CSMD1: variants seen among roughly 807,000 people sequenced by gnomAD.
CSMD1 encodes the protein CUB and sushi domain-containing protein 1.
CSMD1 carries 213 observed loss-of-function variants against 417.5 expected under a neutral mutation model. The ratio of observed to expected loss-of-function variants is 0.51; its 90% CI spans 0.46 to 0.57. CSMD1 has a LOEUF of 0.57. CSMD1 is among the 20% of genes least tolerant of loss of function. The pLI, the probability that CSMD1 is intolerant of heterozygous loss-of-function variation, is 0.00. For missense variants in CSMD1, 6,923 were observed against 4,529.7 expected (o/e 1.53, Z -15.17); for synonymous variants, 2,862 against 1,736.8 (o/e 1.65, Z -16.11).
Position 4,739,961 on chromosome 8 carries a change from G to A in CSMD1, c.86-102403C>T, listed in dbSNP as rs1283718750. Among the ~76,000 whole-genome samples, 3 of 152,180 alleles carry A rather than the reference G, an allele frequency of 2.0e-5. No individual in the cohort carries two copies. In the East Asian group the frequency reaches 5.8e-4, roughly 30 times the overall value. On this transcript the variant is annotated intron_variant, in intron 1 of 69. Coordinates refer to ENST00000635120, the MANE Select transcript of CSMD1 (RefSeq NM_033225.6). ...ACTTAAGCTCCATAGTCTGAGCTAG[G>A]GAAATAGCTGACTGGCCAGCCGCCT...
chr8:4,202,058 C>G (rs527895776), intron 3 of CSMD1, among the ~76,000 whole-genome samples: 60 of 152,024 alleles, frequency 3.9e-4, no homozygotes, highest in African/African-American at 1.4e-3. Context: ...TGTGGGTTGG[C>G]TCTTAATGCT....
At chr8:3,260,117 A>AT (rs1252314444) in intron 26 of CSMD1, among the ~76,000 whole-genome samples, 1 of 152,170 alleles carries the variant, frequency 6.6e-6, no homozygotes, top group African/African-American at 2.4e-5. Flanking sequence ...TGTATATGGC[A>AT]TTTCCCTTAC....
chr8:3,916,906 AT>A (rs1392906428), intron 5 of CSMD1, among the ~76,000 whole-genome samples: 2 of 125,114 alleles, frequency 1.6e-5, no homozygotes, highest in Non-Finnish European at 3.7e-5. Flanking sequence ...AATGAGACAT[AT>A]TAAAAAAAAT....
chr8:4,579,514 C>T (rs1396932413), intron 2 of CSMD1, among the ~76,000 whole-genome samples: 2 of 151,920 alleles, frequency 1.3e-5, no homozygotes, highest in African/African-American at 2.4e-5. Flanking sequence ...AGGCACCCGC[C>T]ACCACGCCCA....
intron 3 of CSMD1, among the ~76,000 whole-genome samples, chr8:4,236,142 G>A (rs1018410209): frequency 2.1e-5 from 3 of 143,794 alleles, no homozygotes; most frequent in African/African-American, 2.6e-5. Context: ...AACACCGTAT[G>A]TTATCAGTAA....
chr8:4,347,914 A>T (rs1445056544), intron 3 of CSMD1, among the ~76,000 whole-genome samples: 1 of 152,210 alleles, frequency 6.6e-6, no homozygotes, highest in Non-Finnish European at 1.5e-5. Context: ...AGTTAAATAA[A>T]CAAGGATAAA....
intron 3 of CSMD1, among the ~76,000 whole-genome samples, chr8:4,163,311 T>A (rs1797272689): frequency 6.6e-6 from 1 of 152,166 alleles, no homozygotes; most frequent in Non-Finnish European, 1.5e-5. Context: ...AACCACCCAA[T>A]TGTCTTCCAA....
intron 5 of CSMD1, among the ~76,000 whole-genome samples, chr8:3,911,450 C>G (rs1317524323): frequency 6.6e-6 from 1 of 151,614 alleles, no homozygotes; most frequent in Non-Finnish European, 1.5e-5. Context: ...ATGGCGTGAA[C>G]CCGCGAGGCG....
At chr8:4,783,070 A>G (rs568909782) in intron 1 of CSMD1, among the ~76,000 whole-genome samples, 4 of 152,336 alleles carry the variant, frequency 2.6e-5, no homozygotes, top group African/African-American at 9.6e-5. Context: ...ATAAACTTCA[A>G]TAAATGATTG....
intron 26 of CSMD1, among the ~76,000 whole-genome samples, chr8:3,251,547 G>A (rs1290942035): frequency 6.6e-6 from 1 of 152,100 alleles, no homozygotes; most frequent in African/African-American, 2.4e-5. Context: ...GGCGATGCGG[G>A]CTCTTTTTTG....
chr8:3,624,486 A>G (rs1157658026), intron 7 of CSMD1, among the ~76,000 whole-genome samples: 1 of 152,190 alleles, frequency 6.6e-6, no homozygotes, highest in African/African-American at 2.4e-5. Flanking sequence ...ATTGATTATT[A>G]TTGTCTATTT....
At chr8:3,800,493 T>G (rs559929070) in intron 5 of CSMD1, among the ~76,000 whole-genome samples, 1 of 152,126 alleles carries the variant, frequency 6.6e-6, no homozygotes, top group African/African-American at 2.4e-5. Context: ...TGCATTTGGA[T>G]CCCTACCTCA....
intron 21 of CSMD1, 34 bp from the exon 22 acceptor site, chr8:3,348,195 C>T (rs765421505): frequency 1.3e-6 from 2 of 1,564,364 alleles, no homozygotes; most frequent in Non-Finnish European, 1.7e-6. Context: ...AAAGAGGATT[C>T]AAAAGTGGAA....
intron 46 of CSMD1, among the ~76,000 whole-genome samples, chr8:3,103,494 C>G (rs1330292437): frequency 6.6e-6 from 1 of 151,974 alleles, no homozygotes; most frequent in African/African-American, 2.4e-5. Context: ...ATTCTCACAT[C>G]TGAACTCATC....
At chr8:3,114,551 A>G (rs1413460768) in intron 42 of CSMD1, among the ~76,000 whole-genome samples, 2 of 151,676 alleles carry the variant, frequency 1.3e-5, no homozygotes, top group South Asian at 4.1e-4. Context: ...TCCTGCCATC[A>G]TTTTTCTTCC....
intron 5 of CSMD1, among the ~76,000 whole-genome samples, chr8:3,956,527 G>C (rs932891097): frequency 3.3e-5 from 5 of 152,206 alleles, no homozygotes; most frequent in Non-Finnish European, 7.3e-5. Context: ...TGGAAACTCA[G>C]TAAAAATAAT....
chr8:4,332,540 CATG>C (rs1265761049), intron 3 of CSMD1, among the ~76,000 whole-genome samples: 1 of 147,368 alleles, frequency 6.8e-6, no homozygotes, highest in Non-Finnish European at 1.5e-5. Flanking sequence ...ACCCTTCTGT[CATG>C]ATATCACATA....
At chr8:4,588,779 G>GACACACACACACAC (rs10576784) in intron 2 of CSMD1, among the ~76,000 whole-genome samples, 27,604 of 146,040 alleles carry the variant, frequency 0.19, 2,708 homozygotes, top group South Asian at 0.24. Flanking sequence ...GCAAGACTCC[G>GACACACACACACAC]ACACACACAC....
In CSMD1 at chr8:3,742,239, C is replaced by G. The variant is rs945047423; in HGVS notation, c.931+11691G>C. 7.2e-5 allele frequency among the ~76,000 whole-genome samples: 11 copies of G among 152,124 alleles called. No individual in the cohort carries two copies. In the South Asian group the frequency reaches 1.9e-3, roughly 26 times the overall value. On this transcript the variant is annotated intron_variant, in intron 6 of 69. Transcript: ENST00000635120. ...GGATGTTCTGTAGATAGATTTAATT[C>G]TCACCTAGACATTTTATTACTCCTA...
Sources: allele counts gnomAD v4.1 joint callset (sites outside exome capture counted in the v4.1 genomes callset), GRCh38; gene constraint gnomAD v4.1.1; transcripts MANE v1.5; gene names NCBI Gene and HGNC (gene_info 2026-07-23, HGNC 2026-07-21).